Variants in SV2C observed in about 807,000 individuals in gnomAD.
SV2C encodes the protein synaptic vesicle glycoprotein 2C, also known as solute carrier family 22 member B3.
In SV2C, 49 loss-of-function variants were observed where a neutral mutation model predicts 79.7. The ratio of observed to expected loss-of-function variants is 0.61; its 90% CI spans 0.49 to 0.78. SV2C has a LOEUF of 0.78. SV2C is among the 30% of genes least tolerant of loss of function. The pLI, the probability that SV2C is intolerant of heterozygous loss-of-function variation, is 0.00. For missense variants in SV2C, 833 were observed against 912.9 expected, an observed-to-expected ratio of 0.91 and a Z score of 1.13; for synonymous variants, 334 against 333.2, an observed-to-expected ratio of 1.00 and a Z score of -0.03.
intron 12 of SV2C, among the ~76,000 whole-genome samples, chr5:76,321,915 T>C (rs997577893): frequency 1.3e-5 from 2 of 152,152 alleles, no homozygotes; most frequent in Non-Finnish European, 2.9e-5. Context: ...AGGCCCACAA[T>C]TGATTCTCTT....
At chr5:76,073,544 T>TATATATATATATATATAC in the SV2C span, among the ~76,000 whole-genome samples, 2 of 121,092 alleles carry the variant, frequency 1.7e-5, no homozygotes, top group African/African-American at 3.2e-5. Flanking sequence ...TATATATATA[T>TATATATATATATATATAC]ACACCATGGA....
At chr5:76,159,151 C>T (rs1048260632) in intron 2 of SV2C, among the ~76,000 whole-genome samples, 3 of 151,952 alleles carry the variant, frequency 2.0e-5, no homozygotes, top group Admixed American at 2.0e-4. Flanking sequence ...AAGACATCTA[C>T]AAGAAACTCA....
At chr5:76,219,078 CCTCACATGATAACTGGG>C (rs1187473068) in intron 4 of SV2C, among the ~76,000 whole-genome samples, 2 of 152,138 alleles carry the variant, frequency 1.3e-5, no homozygotes, top group Admixed American at 1.3e-4. Context: ...TCAGGGCAGG[CCTCACATGATAACTGGG>C]GTTCCTCTCA....
At chr5:76,004,410 G>A in the SV2C span, among the ~76,000 whole-genome samples, 2 of 152,238 alleles carry the variant, frequency 1.3e-5, no homozygotes, top group Admixed American at 6.5e-5. Flanking sequence ...GACTAATAAT[G>A]GGACCTACCT....
chr5:76,149,048 C>A (rs1749521450), intron 2 of SV2C, among the ~76,000 whole-genome samples: 1 of 152,126 alleles, frequency 6.6e-6, no homozygotes, highest in South Asian at 2.1e-4. Context: ...TGTTGTTGAT[C>A]TGAAATTCAA....
Position 76,301,404 on chromosome 5 carries a change from C to T in SV2C, c.1859C>T (p.Ser620Leu). Residue 620 changes from serine (S) to leucine (L), a missense_variant, in exon 12 of 13, where the codon TCG becomes TTG. Transcript: ENST00000502798. ...LTMLGGSMVLSGISCFFLWFG... is the reference protein window; with the variant it reads ...LTMLGGSMVLLGISCFFLWFG... ...TTGGCAGGTGGCTCTATGGTGCTTTCGGGGATCAGCTGTTTCTTCCTTTGG... is the reference window on the plus strand; with the variant it reads ...TTGGCAGGTGGCTCTATGGTGCTTTTGGGGATCAGCTGTTTCTTCCTTTGG... 6.2e-6 allele frequency: 10 copies of T among 1,613,950 alleles called. No homozygotes were observed. The highest frequency in any genetic ancestry group is 1.3e-5 in the African/African-American group (1 of 75,020).
chr5:76,146,797 T>TTAAAA (rs755941303), intron 2 of SV2C, among the ~76,000 whole-genome samples: 2 of 39,334 alleles, frequency 5.1e-5, no homozygotes, highest in Admixed American at 2.9e-4. Context: ...AGTTTTTTTT[T>TTAAAA]AAAAAAAAAA....
chr5:75,959,302 ATCT>A, the SV2C span, among the ~76,000 whole-genome samples: 1 of 151,966 alleles, frequency 6.6e-6, no homozygotes, highest in South Asian at 2.1e-4. Context: ...TGCATAAAAC[ATCT>A]TCTTTGGAGA....
At chr5:76,157,873 T>C (rs934474239) in intron 2 of SV2C, among the ~76,000 whole-genome samples, 13 of 151,808 alleles carry the variant, frequency 8.6e-5, no homozygotes, top group African/African-American at 2.7e-4. Context: ...ACATTTTAAA[T>C]GTAATAGTAT....
the SV2C span, among the ~76,000 whole-genome samples, chr5:75,963,034 A>G: frequency 6.7e-6 from 1 of 149,326 alleles, no homozygotes; most frequent in Non-Finnish European, 1.5e-5. Context: ...GACTTACAAT[A>G]AAAAAAAAAT....
At chr5:76,306,576 A>G (rs1748201184) in intron 12 of SV2C, among the ~76,000 whole-genome samples, 1 of 152,244 alleles carries the variant, frequency 6.6e-6, no homozygotes. Flanking sequence ...CTTAGCTGCT[A>G]GTTATAAGCA....
At chr5:76,251,285 G>A (rs1001836623) in intron 4 of SV2C, among the ~76,000 whole-genome samples, 18 of 152,212 alleles carry the variant, frequency 1.2e-4, no homozygotes, top group Admixed American at 4.6e-4. Flanking sequence ...GCTCATGCCT[G>A]TAATCCCAGC....
chr5:75,904,100 A>G, the SV2C span, among the ~76,000 whole-genome samples: 2 of 152,270 alleles, frequency 1.3e-5, no homozygotes, highest in South Asian at 2.1e-4. Flanking sequence ...AAGACCAAAT[A>G]TGTGCTCTTC....
At chr5:76,047,648 T>A in the SV2C span, among the ~76,000 whole-genome samples, 1 of 152,138 alleles carries the variant, frequency 6.6e-6, no homozygotes, top group African/African-American at 2.4e-5. Flanking sequence ...ATTTAAAAAA[T>A]TATGCTAGAC....
intron 12 of SV2C, among the ~76,000 whole-genome samples, chr5:76,309,714 G>C (rs1231045081): frequency 6.6e-6 from 1 of 151,484 alleles, no homozygotes; most frequent in Non-Finnish European, 1.5e-5. Flanking sequence ...ATTCAACAAA[G>C]CTTGGTGCTT....
the SV2C span, among the ~76,000 whole-genome samples, chr5:75,856,712 C>G: frequency 5.9e-5 from 9 of 152,148 alleles, no homozygotes; most frequent in African/African-American, 2.2e-4. Flanking sequence ...GTCAAATGGA[C>G]AATTTGCAAA....
intron 1 of SV2C, among the ~76,000 whole-genome samples, chr5:76,109,258 C>G (rs1326130464): frequency 6.6e-6 from 1 of 152,064 alleles, no homozygotes; most frequent in Non-Finnish European, 1.5e-5. Flanking sequence ...AGTCTAATAT[C>G]AGAAGAGTTG....
chr5:76,204,963 C>T (rs1744565434), intron 3 of SV2C, among the ~76,000 whole-genome samples: 2 of 152,236 alleles, frequency 1.3e-5, no homozygotes. Flanking sequence ...ACTGGTTTAA[C>T]TTGTGTGCCT....
the SV2C span, among the ~76,000 whole-genome samples, chr5:75,937,490 C>T: frequency 5.3e-5 from 8 of 152,144 alleles, no homozygotes; most frequent in South Asian, 4.2e-4. Flanking sequence ...CATTTGAGCC[C>T]AGGAGTTTGA....
Sources: allele counts gnomAD v4.1 joint callset (sites outside exome capture counted in the v4.1 genomes callset), GRCh38; gene constraint gnomAD v4.1.1; transcripts MANE v1.5; gene names NCBI Gene and HGNC (gene_info 2026-07-23, HGNC 2026-07-21).